Variants in ASCC3 observed in about 807,000 individuals in gnomAD.
ASCC3 encodes ASC-1 complex subunit P200.
A neutral mutation model predicts 256.3 loss-of-function variants in ASCC3; 158 were observed. That is an observed-to-expected ratio of 0.62 (90% CI 0.54 to 0.70). The LOEUF (loss-of-function observed/expected upper bound fraction) is 0.70, where lower values mean the gene tolerates loss of function less well. Among genes scored for constraint, ASCC3 ranks in the 30% least tolerant of loss-of-function variants. The pLI is 0.00. For synonymous variants in ASCC3, 948 were observed against 883.4 expected, an observed-to-expected ratio of 1.07 and a Z score of -1.30; for missense variants, 2,259 against 2,626.0, an observed-to-expected ratio of 0.86 and a Z score of 3.05.
At position 100,848,623 on chromosome 6, in the gene ASCC3, T is replaced by G. The variant is rs750675595; in HGVS notation, c.326A>C (p.His109Pro). The change falls in exon 4 of 42, where the codon CAC becomes CCC. Residue 109 changes from histidine (H) to proline (P), a missense_variant. Transcript: ENST00000369162. ...CTGTTTGATAGCCTTTGTTTCCTTG[T>G]GACCAACAGAGTCCTTCAAGTGAAA... is the stretch of plus-strand genomic sequence containing the variant. ...MTFHLKDSVG[H>P]KETKAIKQMF... is the part of the protein sequence containing the mutation. 2 of 1,614,140 alleles carry G rather than the reference T, an allele frequency of 1.2e-6. No individual in the cohort carries two copies. Among genetic ancestry groups the G allele is most frequent in the Non-Finnish European group, 1.7e-6 (2 of 1,180,026 alleles).
At chr6:100,662,566 T>A (rs753315714) in intron 14 of ASCC3, 30 bp from the exon 15 acceptor site, 17 of 1,604,318 alleles carry the variant, frequency 1.1e-5, no homozygotes, top group Middle Eastern at 1.7e-4. Context: ...AAGAGTATTA[T>A]TTAGCATTTA....
intron 10 of ASCC3, among the ~76,000 whole-genome samples, chr6:100,727,179 T>A (rs1779671746): frequency 6.6e-6 from 1 of 152,052 alleles, no homozygotes; most frequent in Non-Finnish European, 1.5e-5. Flanking sequence ...AGTGTATTCC[T>A]CCTTGAGGAG....
chr6:100,767,486 G>A (rs960958233), intron 8 of ASCC3, 141 bp from the exon 9 acceptor site: 11 of 842,830 alleles, frequency 1.3e-5, no homozygotes, highest in African/African-American at 3.4e-5. Flanking sequence ...TTATTTAAAC[G>A]GAGGTATATG....
intron 36 of ASCC3, among the ~76,000 whole-genome samples, chr6:100,555,910 T>G (rs962750060): frequency 7.8e-6 from 1 of 128,370 alleles, no homozygotes; most frequent in African/African-American, 2.6e-5. Context: ...GTGGGATGAT[T>G]GCTTGAGCCC....
At chr6:100,676,781 CACAA>C (rs1050621876) in intron 14 of ASCC3, among the ~76,000 whole-genome samples, 2 of 139,500 alleles carry the variant, frequency 1.4e-5, no homozygotes, top group Admixed American at 1.5e-4. Context: ...CACACACACA[CACAA>C]AAGGAGGATT....
intron 2 of ASCC3, among the ~76,000 whole-genome samples, chr6:100,865,223 T>C (rs1031355878): frequency 1.3e-5 from 2 of 152,204 alleles, no homozygotes; most frequent in African/African-American, 4.8e-5. Context: ...CTCTTTACTT[T>C]TGTATATGTT....
intron 40 of ASCC3, among the ~76,000 whole-genome samples, chr6:100,512,175 G>A (rs1773796992): frequency 1.3e-5 from 2 of 152,260 alleles, no homozygotes; most frequent in African/African-American, 4.8e-5. Context: ...AGGCAAATGT[G>A]GCAACTGAGG....
In ASCC3 at chr6:100,684,150, T is replaced by A. The variant is rs149787724; in HGVS notation, c.2152-4398A>T. On this transcript the variant is annotated intron_variant, in intron 13 of 41. Transcript: ENST00000369162. ...ATTCAAAGGAAAGAAGGACATATTA[T>A]TTGAAAAAGATCTGAAAATTCTTCT... Among the ~76,000 whole-genome samples, 79 of 152,324 alleles carry A rather than the reference T, an allele frequency of 5.2e-4. 1 individual carries two copies. The highest frequency in any genetic ancestry group is 5.4e-4 in the Non-Finnish European group (37 of 68,016).
At chr6:100,703,936 C>T (rs1441661432) in intron 13 of ASCC3, among the ~76,000 whole-genome samples, 1 of 151,264 alleles carries the variant, frequency 6.6e-6, no homozygotes, top group Non-Finnish European at 1.5e-5. Context: ...TAGTTATATA[C>T]AAATATATTA....
chr6:100,842,285 CTT>C (rs1293580809), intron 4 of ASCC3, among the ~76,000 whole-genome samples: 5 of 152,302 alleles, frequency 3.3e-5, no homozygotes, highest in African/African-American at 1.2e-4. Flanking sequence ...ACTACAACCT[CTT>C]TATCAAATTG....
intron 4 of ASCC3, among the ~76,000 whole-genome samples, chr6:100,843,635 G>C (rs1281573276): frequency 2.0e-5 from 3 of 152,018 alleles, no homozygotes; most frequent in Non-Finnish European, 4.4e-5. Flanking sequence ...TTTCTCAAGT[G>C]TGTTTTTATT....
At chr6:100,579,574 C>T (rs1487510315) in intron 36 of ASCC3, among the ~76,000 whole-genome samples, 2 of 152,024 alleles carry the variant, frequency 1.3e-5, no homozygotes, top group Admixed American at 6.6e-5. Flanking sequence ...CGGCAATTAT[C>T]CCAGCACCAT....
At chr6:100,645,782 A>T (rs768269078) in intron 22 of ASCC3, among the ~76,000 whole-genome samples, 28 of 152,188 alleles carry the variant, frequency 1.8e-4, no homozygotes, top group Non-Finnish European at 7.4e-5. Context: ...GAAGGAATTA[A>T]AACAGAAACA....
At chr6:100,746,711 A>G (rs1052751551) in intron 10 of ASCC3, among the ~76,000 whole-genome samples, 1 of 152,232 alleles carries the variant, frequency 6.6e-6, no homozygotes, top group Non-Finnish European at 1.5e-5. Flanking sequence ...TGGGATTCAT[A>G]TGGAAATGAG....
At chr6:100,546,737 C>T (rs1335723712) in intron 36 of ASCC3, among the ~76,000 whole-genome samples, 2 of 152,088 alleles carry the variant, frequency 1.3e-5, no homozygotes, top group Admixed American at 6.6e-5. Flanking sequence ...AACTTTTTCA[C>T]TGAAACATTT....
chr6:100,747,629 A>T (rs1780747689), intron 10 of ASCC3, among the ~76,000 whole-genome samples: 1 of 152,138 alleles, frequency 6.6e-6, no homozygotes, highest in Admixed American at 6.5e-5. Flanking sequence ...GAAGCCAGAT[A>T]AAAATGTATA....
chr6:100,776,842 T>G (rs187967483), intron 8 of ASCC3, among the ~76,000 whole-genome samples: 1 of 152,148 alleles, frequency 6.6e-6, no homozygotes, highest in East Asian at 1.9e-4. Context: ...AGCTTAAGTT[T>G]AAGATAATCA....
chr6:100,816,035 A>G (rs757847546), intron 4 of ASCC3, among the ~76,000 whole-genome samples: 12 of 152,048 alleles, frequency 7.9e-5, no homozygotes, highest in Non-Finnish European at 1.5e-5. Context: ...CTAATATCCA[A>G]TATCTACAAG....
At chr6:100,595,568 G>A (rs1203243442) in intron 34 of ASCC3, among the ~76,000 whole-genome samples, 1 of 152,164 alleles carries the variant, frequency 6.6e-6, no homozygotes, top group Non-Finnish European at 1.5e-5. Flanking sequence ...GGTCATTTGA[G>A]TGAGTATGGC....
Sources: allele counts gnomAD v4.1 joint callset (sites outside exome capture counted in the v4.1 genomes callset), GRCh38; gene constraint gnomAD v4.1.1; transcripts MANE v1.5; gene names NCBI Gene and HGNC (gene_info 2026-07-23, HGNC 2026-07-21).